The following MYBBP1A variants were observed in gnomAD, a reference collection of about 807,000 sequenced individuals.
The protein encoded by MYBBP1A is myb-binding protein 1A.
In MYBBP1A, 147 loss-of-function variants were observed where a neutral mutation model predicts 136.3. The observed-to-expected ratio is 1.08, with a 90% confidence interval of 0.94 to 1.24. MYBBP1A has a LOEUF of 1.24. Ranked by LOEUF, MYBBP1A falls within the 50% of genes most tolerant of loss-of-function variation. MYBBP1A has a pLI of 0.00. For synonymous variants in MYBBP1A, 947 were observed against 735.8 expected (o/e 1.29, Z -4.65); for missense variants, 2,060 against 1,727.4 (o/e 1.19, Z -3.41).
chr17:4,553,520 C>T (rs998283458), intron 5 of MYBBP1A, among the ~76,000 whole-genome samples: 6 of 152,224 alleles, frequency 3.9e-5, no homozygotes, highest in African/African-American at 1.4e-4. Flanking sequence ...GTAACATACA[C>T]ACTGGATTTT....
chr17:4,539,866 T>C lies in MYBBP1A; in HGVS notation c.3536A>G (p.Lys1179Arg). 6.2e-7 allele frequency: 1 copy of C among 1,606,190 alleles called. No homozygotes were observed. The highest frequency in any genetic ancestry group is 1.1e-5 in the South Asian group (1 of 91,088). The part of the protein sequence containing the change: ...RKKKGFLPET[K>R]KRKKRKSEDG... ...CTCTGACTTGCGTTTCTTGCGCTTC[T>C]TCGTCTCTGGCAAGAATCCCTTTTT... is the stretch of plus-strand genomic sequence containing the variant. Residue 1179 changes from lysine (K) to arginine (R), a missense_variant, in exon 26 of 26, where the codon AAG becomes AGG. Lys to Arg is a conservative substitution (Grantham distance 26). Transcript: ENST00000254718.
chr17:4,541,257 G>A (rs1004690287), intron 24 of MYBBP1A, among the ~76,000 whole-genome samples: 7 of 152,256 alleles, frequency 4.6e-5, no homozygotes, highest in African/African-American at 1.7e-4. Flanking sequence ...AGGACAGGGT[G>A]GCACAGTCCC....
rs1372079870 is a variant in MYBBP1A, at chr17:4,550,174, C to T, written c.1203G>A (p.Pro401=). 5.6e-6 allele frequency: 9 copies of T among 1,613,790 alleles called. No homozygotes were observed. The highest frequency in any genetic ancestry group is 3.3e-5 in the South Asian group (3 of 91,078). The change falls in exon 9 of 26, where the codon CCG becomes CCA. Residue 401 remains proline, a synonymous_variant. Coordinates refer to ENST00000254718, the MANE Select transcript of MYBBP1A (RefSeq NM_014520.4). ...GCCAGGCCACATAGCCCTGCAGGGC[C>T]GGAGGGCTCAGGAACCGCACGACCC... The part of the protein sequence containing the change: ...FWRVVRFLSP[P]ALQGYVAWLR...
Position 4,539,260 on chromosome 17 carries a change from G to A in MYBBP1A, c.*155C>T. 5 of 1,488,092 alleles carry A rather than the reference G, an allele frequency of 3.4e-6. No homozygotes were observed. The highest frequency in any genetic ancestry group is 3.5e-6 in the Non-Finnish European group (4 of 1,130,726). The allele number at this position is 1,488,092 out of a possible 1,614,324, so 92.2% of individuals were successfully genotyped here. ...GGAATGGCTCAGGCTGTGCTTGCCAGAGCAGGATGCCCGGGCAGGCGGCAA... is the reference window on the plus strand; with the variant it reads ...GGAATGGCTCAGGCTGTGCTTGCCAAAGCAGGATGCCCGGGCAGGCGGCAA... On this transcript the variant is annotated 3_prime_UTR_variant, in exon 26 of 26. Coordinates refer to ENST00000254718, the MANE Select transcript of MYBBP1A (RefSeq NM_014520.4).
intron 24 of MYBBP1A, 132 bp from the exon 25 acceptor site, chr17:4,540,616 CT>C (rs1906325596): frequency 8.8e-7 from 1 of 1,133,368 alleles, no homozygotes; most frequent in South Asian, 2.0e-5. Flanking sequence ...TCAGCCTCTC[CT>C]TCTGCCTGTT....
intron 25 of MYBBP1A, 88 bp downstream of exon 25, chr17:4,540,260 A>ATGT: frequency 6.8e-7 from 1 of 1,474,882 alleles, no homozygotes; most frequent in Non-Finnish European, 9.1e-7. Context: ...CGTGTGCAGC[A>ATGT]GCGTGTGTGC....
In MYBBP1A at chr17:4,542,685, G is replaced by A; in HGVS notation, c.2949C>T (p.Ser983=). The A allele has an allele frequency of 6.2e-7, 1 of 1,614,090 alleles. No homozygotes were observed. The change falls in exon 21 of 26, where the codon AGC becomes AGT. Residue 983 remains serine, a synonymous_variant. Transcript: ENST00000254718. ...GGCTGTTGCGCTTGGTCAGGAAGGA[G>A]CTCAGTGCTGTCGAGTACACCCGGG... The part of the protein sequence containing the change: ...LVTRVYSTAL[S]SFLTKRNSPL...
chr17:4,540,224 G>A, intron 25 of MYBBP1A, 124 bp downstream of exon 25: 2 of 1,352,238 alleles, frequency 1.5e-6, no homozygotes, highest in Non-Finnish European at 2.0e-6. Context: ...GTGCATGTGT[G>A]TGCAGCAGCA....
At position 4,551,988 on chromosome 17, in the gene MYBBP1A, A is replaced by G; in HGVS notation, c.915T>C (p.Cys305=). The change falls in exon 8 of 26, where the codon TGT becomes TGC. Residue 305 remains cysteine (C), a synonymous_variant. Coordinates refer to ENST00000254718, the MANE Select transcript of MYBBP1A (RefSeq NM_014520.4). The part of the protein sequence containing the change: ...KMQFWPASYL[C]FRLLGAALPL... ...GCAGGGCCGCGCCCAGCAGGCGGAA[A>G]CACAGGTAGCTAAAGGGGGTGCAGG... The G allele has an allele frequency of 2.5e-6, 4 of 1,609,078 alleles. No homozygotes were observed. The highest frequency in any genetic ancestry group is 3.4e-6 in the Non-Finnish European group (4 of 1,176,440).
In MYBBP1A at chr17:4,539,516, CCAG is replaced by C; in HGVS notation, c.3883_3885del (p.Leu1295del). On this transcript the variant is annotated inframe_deletion, in exon 26 of 26. Coordinates refer to ENST00000254718, the MANE Select transcript of MYBBP1A (RefSeq NM_014520.4). ...AAAGACAGCCTTGCCTTTTTCCGTG[CCAG>C]CGCGGACAGTGGTGATTTGCCCAAG... is the stretch of plus-strand genomic sequence containing the variant. 6.2e-7 allele frequency: 1 copy of C among 1,614,112 alleles called. No individual in the cohort carries two copies. Among genetic ancestry groups the C allele is most frequent in the Non-Finnish European group, 8.5e-7 (1 of 1,180,020 alleles).
intron 19 of MYBBP1A, 108 bp downstream of exon 19, chr17:4,544,380 TG>T: frequency 7.0e-7 from 1 of 1,430,052 alleles, no homozygotes; most frequent in Non-Finnish European, 9.4e-7. Flanking sequence ...GGGCCCAGGC[TG>T]GAAGCTTGGC....
chr17:4,549,675 G>A (rs1030269379), intron 9 of MYBBP1A, among the ~76,000 whole-genome samples: 10 of 151,608 alleles, frequency 6.6e-5, no homozygotes, highest in African/African-American at 2.4e-4. Context: ...TACTGGAGAG[G>A]CTGAGGCAGA....
Position 4,539,174 on chromosome 17 carries a change from G to C in MYBBP1A, c.*241C>G. 1.4e-6 allele frequency: 2 copies of C among 1,454,384 alleles called. No individual in the cohort carries two copies. Among genetic ancestry groups the C allele is most frequent in the Non-Finnish European group, 1.8e-6 (2 of 1,113,090 alleles). The allele number at this position is 1,454,384 out of a possible 1,614,324, so 90.1% of individuals were successfully genotyped here. A position where few individuals can be genotyped will look rare whatever the true frequency, so the allele number is the denominator to read the frequency against. On this transcript the variant is annotated 3_prime_UTR_variant, in exon 26 of 26. Coordinates refer to ENST00000254718, the MANE Select transcript of MYBBP1A (RefSeq NM_014520.4). ...CACCAGAGCCCTGGACATGGCCCTG[G>C]AGCCAGGGTCCCAGCCCAGAACCGG...
chr17:4,551,015 T>TA (rs2144494105), intron 8 of MYBBP1A, among the ~76,000 whole-genome samples: 1 of 152,370 alleles, frequency 6.6e-6, no homozygotes, highest in Non-Finnish European at 1.5e-5. Flanking sequence ...TTCAATTTTT[T>TA]AGACTTGTGC....
At chr17:4,545,236 C>A (rs551076431) in intron 16 of MYBBP1A, 23 bp downstream of exon 16, 136 of 1,612,776 alleles carry the variant, frequency 8.4e-5, no homozygotes, top group Non-Finnish European at 1.1e-4. Flanking sequence ...CCACCGCCCC[C>A]GCCCGGCCCA....
intron 8 of MYBBP1A, among the ~76,000 whole-genome samples, chr17:4,550,579 C>G (rs533021429): frequency 5.2e-5 from 8 of 152,384 alleles, no homozygotes; most frequent in African/African-American, 1.9e-4. Context: ...TCCAGTCACC[C>G]CAGTGCTTTT....
In MYBBP1A at chr17:4,552,651, G is replaced by A. The variant is rs756228545; in HGVS notation, c.562-25C>T. On this transcript the variant is annotated intron_variant, in intron 5 of 25. Transcript: ENST00000254718. The surrounding 1 kb of genome is among the most constrained non-coding windows in gnomAD (Gnocchi z 4.7). ...CCTAAGGATGGAGGGAGAAGAAATC[G>A]TGACTTCCTCTGCGGGGTGAGCCTG... 37 of 1,605,362 alleles carry A rather than the reference G, an allele frequency of 2.3e-5. No homozygotes were observed. Among genetic ancestry groups the A allele is most frequent in the Admixed American group, 5.0e-5 (3 of 59,766 alleles).
At chr17:4,540,056 G>T in intron 25 of MYBBP1A, 89 bp from the exon 26 acceptor site, 1 of 1,438,060 alleles carries the variant, frequency 7.0e-7, no homozygotes, top group South Asian at 1.3e-5. Flanking sequence ...GATTCTGAGG[G>T]TCCTCTGAGG....
intron 5 of MYBBP1A, among the ~76,000 whole-genome samples, chr17:4,553,036 G>A (rs1228524758): frequency 1.3e-5 from 2 of 152,116 alleles, no homozygotes; most frequent in African/African-American, 4.8e-5. Context: ...TGGCCAGGCT[G>A]GTCTTGAACT....
Sources: gnomAD v4.1 joint callset for allele counts (sites outside exome capture counted in the v4.1 genomes callset) on GRCh38, gnomAD v4.1.1 for gene constraint, Gnocchi (gnomAD v3.1) non-coding constraint, MANE v1.5 for transcripts, NCBI Gene and HGNC (gene_info 2026-07-23, HGNC 2026-07-21) for gene names.